TENM4: variants seen among roughly 807,000 people sequenced by gnomAD.
TENM4 encodes the protein teneurin transmembrane protein 4.
TENM4 carries 82 observed loss-of-function variants against 243.3 expected under a neutral mutation model. The ratio of observed to expected loss-of-function variants is 0.34; its 90% CI spans 0.28 to 0.40. The LOEUF is 0.40. TENM4 is among the 10% of genes least tolerant of loss of function. The probability of loss-of-function intolerance (pLI) is 1.00; values close to 1 mark genes in which losing one functional copy is unlikely to be tolerated. For missense variants in TENM4, 3,138 were observed against 3,673.3 expected (o/e 0.85, Z 3.77); for synonymous variants, 1,412 against 1,456.3 (o/e 0.97, Z 0.69).
rs1454763102 is a variant in TENM4 at position 78,662,473 on chromosome 11, C to G, written c.7409-882G>C. Among the ~76,000 whole-genome samples the G allele has an allele frequency of 2.6e-5, 4 of 152,120 alleles. 1 individual carries two copies. Among genetic ancestry groups the G allele is most frequent in the Non-Finnish European group, 5.9e-5 (4 of 68,022 alleles). On this transcript the variant is annotated intron_variant, in intron 32 of 33. Transcript: ENST00000278550. ...AGAGTGCTGGGATTACAGGTGTGAG[C>G]CACCGTGCCCGGCCACCTTCATTTT... is the stretch of plus-strand genomic sequence containing the variant.
chr11:79,227,798 G>A (rs1359184525), intron 2 of TENM4, among the ~76,000 whole-genome samples: 1 of 152,226 alleles, frequency 6.6e-6, no homozygotes, highest in Non-Finnish European at 1.5e-5. Context: ...AGGTTAGGGT[G>A]TTTGAGGCAC....
intron 3 of TENM4, among the ~76,000 whole-genome samples, chr11:79,203,779 C>A (rs1396398320): frequency 6.6e-6 from 1 of 152,176 alleles, no homozygotes; most frequent in African/African-American, 2.4e-5. Context: ...GTCCAAAGGG[C>A]TGACTGTACT....
intron 6 of TENM4, among the ~76,000 whole-genome samples, chr11:79,024,160 A>C (rs1200434359): frequency 6.6e-6 from 1 of 152,180 alleles, no homozygotes; most frequent in Non-Finnish European, 1.5e-5. Context: ...AGTTTGGAAA[A>C]GGTCTGGTGG....
chr11:78,935,523 G>A (rs1177423959), intron 6 of TENM4, among the ~76,000 whole-genome samples: 1 of 152,110 alleles, frequency 6.6e-6, no homozygotes, highest in Non-Finnish European at 1.5e-5. Context: ...AAAGCTAATC[G>A]GCCAAATGAA....
intron 2 of TENM4, among the ~76,000 whole-genome samples, chr11:79,294,236 G>A (rs1209213574): frequency 6.6e-6 from 1 of 152,172 alleles, no homozygotes; most frequent in Admixed American, 6.5e-5. Flanking sequence ...ACTATGATTT[G>A]TCAGTCTCTA....
chr11:79,393,667 C>T (rs188952584), intron 1 of TENM4, among the ~76,000 whole-genome samples: 5 of 152,282 alleles, frequency 3.3e-5, no homozygotes, highest in African/African-American at 7.2e-5. Flanking sequence ...GGAGCAGAGG[C>T]GGGCACTCCA....
intron 4 of TENM4, among the ~76,000 whole-genome samples, chr11:79,079,800 C>G (rs908046102): frequency 3.4e-5 from 5 of 145,684 alleles, no homozygotes; most frequent in Non-Finnish European, 4.5e-5. Context: ...CCGCTGCACT[C>G]CAGTCTGAGC....
chr11:78,993,602 T>G (rs955977232), intron 6 of TENM4, among the ~76,000 whole-genome samples: 4 of 152,234 alleles, frequency 2.6e-5, no homozygotes, highest in African/African-American at 9.6e-5. Flanking sequence ...TTTATTGCCC[T>G]GTATTCAAAT....
chr11:79,220,107 C>T (rs957032841), intron 2 of TENM4, among the ~76,000 whole-genome samples: 1 of 152,258 alleles, frequency 6.6e-6, no homozygotes, highest in African/African-American at 2.4e-5. Context: ...CAGTGAGAAA[C>T]TCAGCGTTCC....
intron 6 of TENM4, among the ~76,000 whole-genome samples, chr11:78,998,406 G>C (rs897812935): frequency 6.6e-6 from 1 of 152,230 alleles, no homozygotes; most frequent in Admixed American, 6.5e-5. Flanking sequence ...AGAAATTATA[G>C]GGGGGATTTT....
chr11:79,080,624 G>T (rs931858761), intron 4 of TENM4, among the ~76,000 whole-genome samples: 6 of 152,140 alleles, frequency 3.9e-5, no homozygotes, highest in Admixed American at 3.9e-4. Context: ...ATGTTGCCTT[G>T]GGGCACTCAG....
Position 78,863,098 on chromosome 11 carries a change from C to T in TENM4, c.1119G>A (p.Gln373=). The change falls in exon 10 of 34, where the codon CAG becomes CAA. Residue 373 remains glutamine (Q), a synonymous_variant. Coordinates refer to ENST00000278550, the MANE Select transcript of TENM4 (RefSeq NM_001098816.3). Reference sequence around the variant, plus strand: ...TCTCATACATCTGCCCCTCCATCGGCTGCAGGTGCCAGTTTAGGCCAAACA... The same window carrying T: ...TCTCATACATCTGCCCCTCCATCGGTTGCAGGTGCCAGTTTAGGCCAAACA... ...MHLFGLNWHL[Q]PMEGQMYEIT... 2 of 1,530,946 alleles carry T rather than the reference C, an allele frequency of 1.3e-6. No homozygotes were observed. Among genetic ancestry groups the T allele is most frequent in the South Asian group, 1.2e-5 (1 of 81,970 alleles). 94.8% of individuals were successfully genotyped at this position (1,530,946 alleles called of 1,614,324 possible). A position where few individuals can be genotyped will look rare whatever the true frequency, so the allele number is the denominator to read the frequency against.
chr11:78,771,142 A>C lies in TENM4; in HGVS notation c.2393-4T>G. ...TTGCACAACCCAGGGCAACCCTCTG[A>C]AAGACAAAGTACAGGGTTGAGGTCT... On this transcript the variant is annotated splice_region_variant and splice_polypyrimidine_tract_variant and intron_variant, in intron 17 of 33. Coordinates refer to ENST00000278550, the MANE Select transcript of TENM4 (RefSeq NM_001098816.3). The C allele has an allele frequency of 1.3e-6, 2 of 1,564,592 alleles. No individual in the cohort carries two copies. Among genetic ancestry groups the C allele is most frequent in the Non-Finnish European group, 1.7e-6 (2 of 1,154,422 alleles).
At chr11:78,920,116 T>C (rs1263730652) in intron 6 of TENM4, among the ~76,000 whole-genome samples, 1 of 152,166 alleles carries the variant, frequency 6.6e-6, no homozygotes, top group Non-Finnish European at 1.5e-5. Flanking sequence ...AGTGAACAGA[T>C]GAGCAGGAAT....
chr11:79,173,460 C>A (rs976088747), intron 3 of TENM4, among the ~76,000 whole-genome samples: 2 of 152,134 alleles, frequency 1.3e-5, no homozygotes, highest in African/African-American at 2.4e-5. Flanking sequence ...TCCTCTGCCT[C>A]ATCCAACGTG....
chr11:78,998,001 T>A (rs1858220015), intron 6 of TENM4, among the ~76,000 whole-genome samples: 1 of 152,172 alleles, frequency 6.6e-6, no homozygotes. Context: ...AAGGCTGCTG[T>A]CTATTAGCCA....
intron 3 of TENM4, among the ~76,000 whole-genome samples, chr11:79,156,918 G>A (rs1862633067): frequency 6.6e-6 from 1 of 152,182 alleles, no homozygotes; most frequent in African/African-American, 2.4e-5. Flanking sequence ...ATATGACAAA[G>A]GCTGACAATG....
At chr11:79,268,623 G>A (rs1403373667) in intron 2 of TENM4, among the ~76,000 whole-genome samples, 2 of 152,124 alleles carry the variant, frequency 1.3e-5, no homozygotes, top group African/African-American at 4.8e-5. Context: ...GGTCATTTGT[G>A]GACCATGCAT....
In TENM4 at chr11:79,064,673, A is replaced by G. The variant is rs568798793; in HGVS notation, c.493+65T>C. On this transcript the variant is annotated intron_variant, in intron 6 of 33. Coordinates refer to ENST00000278550, the MANE Select transcript of TENM4 (RefSeq NM_001098816.3). ...GCCCCGGCAGTGGAGCAGGAAATCA[A>G]TATTATAAATAAAACCCCAGCCCCA... 2.7e-5 allele frequency: 41 copies of G among 1,537,850 alleles called. No individual in the cohort carries two copies. In the East Asian group the frequency reaches 7.6e-4, roughly 29 times the overall value.
Sources: gnomAD v4.1 joint callset for allele counts (sites outside exome capture counted in the v4.1 genomes callset) on GRCh38, gnomAD v4.1.1 for gene constraint, MANE v1.5 for transcripts, NCBI Gene and HGNC (gene_info 2026-07-23, HGNC 2026-07-21) for gene names.